The following SRCIN1 variants were observed in gnomAD, a reference collection of about 807,000 sequenced individuals.
The protein encoded by SRCIN1 is P130Cas-associated protein.
In SRCIN1, 50 loss-of-function variants were observed where a neutral mutation model predicts 116.2. The ratio of observed to expected loss-of-function variants is 0.43; its 90% confidence interval spans 0.34 to 0.54. SRCIN1 has a LOEUF of 0.54. SRCIN1 is among the 20% of genes least tolerant of loss of function. SRCIN1 has a pLI of 0.02. For synonymous variants in SRCIN1, 736 were observed against 750.0 expected (o/e 0.98, Z 0.30); for missense variants, 1,446 against 1,672.0 (o/e 0.86, Z 2.36).
chr17:38,568,979 C>T lies in SRCIN1; in HGVS notation c.325-748G>A, dbSNP rs1471034611. 1.3e-5 allele frequency among the ~76,000 whole-genome samples: 2 copies of T among 151,984 alleles called. No homozygotes were observed. Among genetic ancestry groups the T allele is most frequent in the Admixed American group, 6.6e-5 (1 of 15,266 alleles). ...GGGCCCAAGGCCAAGAGAGAGAGGC[C>T]TATGCAGCATGGTGGATCTAGTTTA... On this transcript the variant is annotated intron_variant, in intron 2 of 18. Transcript: ENST00000617146. The surrounding 1 kb of genome is among the most constrained non-coding windows in gnomAD (Gnocchi z 4.5).
At chr17:38,598,616 G>A (rs549628040) in intron 1 of SRCIN1, among the ~76,000 whole-genome samples, 112 of 152,298 alleles carry the variant, frequency 7.4e-4, no homozygotes, top group African/African-American at 2.6e-3. Flanking sequence ...CCTGGAATGC[G>A]TGTGTTTGCA....
chr17:38,564,322 G>A lies in SRCIN1; in HGVS notation c.346-9C>T. 1 of 1,538,800 alleles carries A rather than the reference G, an allele frequency of 6.5e-7. No individual in the cohort carries two copies. The highest frequency in any genetic ancestry group is 8.7e-7 in the Non-Finnish European group (1 of 1,146,448). On this transcript the variant is annotated splice_polypyrimidine_tract_variant and intron_variant, in intron 3 of 18. Coordinates refer to ENST00000617146, the MANE Select transcript of SRCIN1 (RefSeq NM_025248.3). Reference sequence around the variant, plus strand: ...TGGCGTGAGCTGCGGGTCTGCAGGGGCCGGGCAGGGTGAGAGGAACCAAGG... The same window carrying A: ...TGGCGTGAGCTGCGGGTCTGCAGGGACCGGGCAGGGTGAGAGGAACCAAGG...
chr17:38,577,260 C>A (rs1202710074), intron 2 of SRCIN1, among the ~76,000 whole-genome samples: 3 of 152,184 alleles, frequency 2.0e-5, no homozygotes, highest in Non-Finnish European at 4.4e-5. Context: ...TGCCCCTGCC[C>A]TTCTCCTCAA....
Position 38,576,771 on chromosome 17 carries a change from C to G in SRCIN1, c.324+1719G>C, listed in dbSNP as rs968416328. On this transcript the variant is annotated intron_variant, in intron 2 of 18. Coordinates refer to ENST00000617146, the MANE Select transcript of SRCIN1 (RefSeq NM_025248.3). ...GTGTTTCTGTCATTGCCTTCTAGGT[C>G]CAGGCAGCTTAGCCTTAGACCTACA... Among the ~76,000 whole-genome samples the G allele has an allele frequency of 1.3e-5, 2 of 151,586 alleles. 1 individual carries two copies. The highest frequency in any genetic ancestry group is 4.2e-4 in the South Asian group (2 of 4,762).
At chr17:38,578,447 T>TGGCCGC (rs977329564) in intron 2 of SRCIN1, 43 bp downstream of exon 2, 116 of 1,524,664 alleles carry the variant, frequency 7.6e-5, no homozygotes, top group Admixed American at 1.6e-4. Context: ...CCCTGCCCGC[T>TGGCCGC]GGCCGCGGCC....
chr17:38,547,412 A>G (rs1038285399), intron 17 of SRCIN1, among the ~76,000 whole-genome samples: 3 of 152,180 alleles, frequency 2.0e-5, no homozygotes, highest in Admixed American at 6.5e-5. Flanking sequence ...TCTTGGCCAC[A>G]CTCAGCCTTC....
intron 1 of SRCIN1, among the ~76,000 whole-genome samples, chr17:38,589,789 C>T (rs1908343018): frequency 6.6e-6 from 1 of 152,230 alleles, no homozygotes; most frequent in Non-Finnish European, 1.5e-5. Flanking sequence ...AATTTCTCTG[C>T]CACCCTGCAA....
At position 38,558,135 on chromosome 17, in the gene SRCIN1, G is replaced by C; in HGVS notation, c.2201+92C>G. 5 of 1,446,126 alleles carry C rather than the reference G, an allele frequency of 3.5e-6. No homozygotes were observed. The allele number at this position is 1,446,126 out of a possible 1,614,324, so 89.6% of individuals were successfully genotyped here. A position where few individuals can be genotyped will look rare whatever the true frequency, so the allele number is the denominator to read the frequency against. ...ACAGACCAACGCCACCTGTGACTCA[G>C]AGGGAAGGGAGCTGCGCCTCCCAGG... On this transcript the variant is annotated intron_variant, in intron 11 of 18. Coordinates refer to ENST00000617146, the MANE Select transcript of SRCIN1 (RefSeq NM_025248.3). This position sits in a 1 kb window ranked among gnomAD's most constrained non-coding sequence, Gnocchi z 4.6.
intron 1 of SRCIN1, among the ~76,000 whole-genome samples, chr17:38,595,853 C>T (rs1908701937): frequency 6.6e-6 from 1 of 152,258 alleles, no homozygotes; most frequent in African/African-American, 2.4e-5. Context: ...CATGCACACA[C>T]GTGCACATAC....
At chr17:38,589,379 G>C (rs1390255349) in intron 1 of SRCIN1, among the ~76,000 whole-genome samples, 1 of 152,232 alleles carries the variant, frequency 6.6e-6, no homozygotes, top group Non-Finnish European at 1.5e-5. Flanking sequence ...TCTGGGGCTC[G>C]CTAAAGCGCC....
intron 2 of SRCIN1, chr17:38,575,033 A>G (rs1907326104): frequency 2.5e-6 from 1 of 399,966 alleles, no homozygotes; most frequent in Admixed American, 4.4e-5. Context: ...CCGCTGGGGT[A>G]CTGTGATTGG....
At chr17:38,548,033 C>T (rs1348619164) in intron 17 of SRCIN1, among the ~76,000 whole-genome samples, 2 of 152,154 alleles carry the variant, frequency 1.3e-5, no homozygotes, top group Non-Finnish European at 2.9e-5. Context: ...AGCCGCCAGC[C>T]CTCTCTGCCC....
At chr17:38,588,058 CAAAA>C (rs112646329) in intron 1 of SRCIN1, among the ~76,000 whole-genome samples, 2 of 129,102 alleles carry the variant, frequency 1.5e-5, no homozygotes, top group African/African-American at 5.2e-5. Context: ...TTTGCTTTAA[CAAAA>C]AAAAAAAAAA....
chr17:38,587,103 G>A (rs777179670), intron 1 of SRCIN1, among the ~76,000 whole-genome samples: 1 of 152,114 alleles, frequency 6.6e-6, no homozygotes, highest in Non-Finnish European at 1.5e-5. Context: ...CACTCCCAGG[G>A]CAGGACCCTC....
Position 38,552,209 on chromosome 17 carries a change from G to T in SRCIN1, c.2481-77C>A. 6.5e-7 allele frequency: 1 copy of T among 1,547,856 alleles called. No homozygotes were observed. The highest frequency in any genetic ancestry group is 8.7e-7 in the Non-Finnish European group (1 of 1,144,998). On this transcript the variant is annotated intron_variant, in intron 13 of 18. Transcript: ENST00000617146. This position sits in a 1 kb window ranked among gnomAD's most constrained non-coding sequence, Gnocchi z 5.3. ...TCTGCAGGAAGGCTGCTCTGAGGGA[G>T]GTGGGGTGGGAGGCAGGCTCTGGGA...
intron 11 of SRCIN1, among the ~76,000 whole-genome samples, chr17:38,557,645 C>A (rs960938563): frequency 6.6e-6 from 1 of 152,240 alleles, no homozygotes; most frequent in African/African-American, 2.4e-5. Flanking sequence ...CTTCTGTTAA[C>A]CCCTCCATGC....
intron 1 of SRCIN1, among the ~76,000 whole-genome samples, chr17:38,601,621 A>G (rs1909025900): frequency 6.7e-6 from 1 of 149,978 alleles, no homozygotes; most frequent in Non-Finnish European, 1.5e-5. Context: ...TGGCGCCCTC[A>G]ACACATACAC....
rs763116912 is a variant in SRCIN1 at position 38,578,520 on chromosome 17, C to A, written c.294G>T (p.Leu98=). The A allele has an allele frequency of 1.3e-6, 2 of 1,592,644 alleles. No individual in the cohort carries two copies. Among genetic ancestry groups the A allele is most frequent in the African/African-American group, 2.7e-5 (2 of 74,406 alleles). The change falls in exon 2 of 19, where the codon CTG becomes CTT. Residue 98 remains leucine, a synonymous_variant. Transcript: ENST00000617146. ...CTCGCATCCTGTCCTGCTGGCCTCG[C>A]AGGGCCAGGGCGTGCTGTGGGTACT... ...KSKYPQHALA[L]RGQQDRMREQ... is the part of the protein sequence containing the mutation.
intron 1 of SRCIN1, among the ~76,000 whole-genome samples, chr17:38,584,856 A>G (rs2143364315): frequency 6.6e-6 from 1 of 152,020 alleles, no homozygotes; most frequent in South Asian, 2.1e-4. Context: ...AGGAGAGGAG[A>G]GGGAGGGAGA....
Sources: gnomAD v4.1 joint callset for allele counts (sites outside exome capture counted in the v4.1 genomes callset) on GRCh38, gnomAD v4.1.1 for gene constraint, Gnocchi (gnomAD v3.1) non-coding constraint, MANE v1.5 for transcripts, NCBI Gene and HGNC (gene_info 2026-07-23, HGNC 2026-07-21) for gene names.